SHANK2: variants seen among roughly 807,000 people sequenced by gnomAD.
SHANK2 encodes SH3 and multiple ankyrin repeat domains 2.
Under a neutral mutation model 133.7 loss-of-function variants are expected in SHANK2, and 43 were observed. That is an observed-to-expected ratio of 0.32 (90% CI 0.25 to 0.41). The LOEUF (loss-of-function observed/expected upper bound fraction) is 0.41, where lower values mean the gene tolerates loss of function less well. Ranked by LOEUF, SHANK2 falls within the 10% of genes least tolerant of loss-of-function variation. The pLI, the probability that SHANK2 is intolerant of heterozygous loss-of-function variation, is 1.00. For missense variants in SHANK2, 1,994 were observed against 2,235.8 expected, an observed-to-expected ratio of 0.89 and a Z score of 2.18; for synonymous variants, 1,017 against 952.8, an observed-to-expected ratio of 1.07 and a Z score of -1.24.
chr11:70,850,327 C>T (rs192674156), intron 11 of SHANK2, among the ~76,000 whole-genome samples: 269 of 152,346 alleles, frequency 1.8e-3, no homozygotes, highest in Admixed American at 4.4e-3. Context: ...GCTTCCACCC[C>T]AGGTGTTATA....
rs2059058282 is a variant in SHANK2 at position 70,501,857 on chromosome 11, G to A, written c.2287+66C>T. The A allele has an allele frequency of 6.6e-6, 10 of 1,519,768 alleles. No homozygotes were observed. In the Admixed American group the frequency reaches 9.8e-5, roughly 15 times the overall value. 94.1% of individuals were successfully genotyped at this position (1,519,768 alleles called of 1,614,324 possible). On this transcript the variant is annotated intron_variant, in intron 20 of 25. Coordinates refer to ENST00000601538, the MANE Select transcript of SHANK2 (RefSeq NM_012309.5). ...AGGCCTCCGAGGCCTGGGCTGAGGT[G>A]GATGTCAGTGGGGGTGCCCTAGACA...
intron 14 of SHANK2, among the ~76,000 whole-genome samples, chr11:70,723,956 T>C (rs1324766590): frequency 6.6e-6 from 1 of 151,624 alleles, no homozygotes; most frequent in African/African-American, 2.4e-5. Flanking sequence ...GCTCAAGACC[T>C]TGCCAAATCC....
At chr11:71,084,471 A>C (rs967036008) in intron 8 of SHANK2, among the ~76,000 whole-genome samples, 18 of 152,338 alleles carry the variant, frequency 1.2e-4, no homozygotes, top group Admixed American at 2.0e-4. Context: ...CACCTGCAGC[A>C]TCTGTGAGCA....
chr11:71,203,216 G>A (rs1376425481), intron 2 of SHANK2, among the ~76,000 whole-genome samples: 2 of 152,172 alleles, frequency 1.3e-5, no homozygotes, highest in African/African-American at 2.4e-5. Context: ...GCTGGAGATG[G>A]TGAGGAGGCA....
chr11:70,753,988 T>G (rs1412250135), intron 14 of SHANK2, among the ~76,000 whole-genome samples: 2 of 152,186 alleles, frequency 1.3e-5, no homozygotes, highest in Non-Finnish European at 2.9e-5. Flanking sequence ...ATTTTTGTAT[T>G]ATTAGTAGAG....
intron 6 of SHANK2, among the ~76,000 whole-genome samples, chr11:71,096,371 A>T (rs1261121045): frequency 6.6e-6 from 1 of 152,220 alleles, no homozygotes; most frequent in Non-Finnish European, 1.5e-5. Context: ...CCAGAGTTCC[A>T]CATGTGCACA....
intron 14 of SHANK2, among the ~76,000 whole-genome samples, chr11:70,786,244 C>T (rs1214586134): frequency 1.3e-5 from 2 of 152,192 alleles, no homozygotes; most frequent in African/African-American, 4.8e-5. Flanking sequence ...CTGTCTCTGG[C>T]CTGGCCTCCT....
chr11:71,117,774 C>T (rs1251786049), intron 4 of SHANK2, among the ~76,000 whole-genome samples: 10 of 152,198 alleles, frequency 6.6e-5, no homozygotes, highest in African/African-American at 2.2e-4. Context: ...GCCTAGTGCA[C>T]CTCTTCATCA....
intron 13 of SHANK2, among the ~76,000 whole-genome samples, chr11:70,805,516 G>A (rs1948139193): frequency 6.6e-6 from 1 of 152,220 alleles, no homozygotes; most frequent in African/African-American, 2.4e-5. Context: ...TAACATCCTT[G>A]TCACCCGACA....
intron 11 of SHANK2, among the ~76,000 whole-genome samples, chr11:70,862,634 CTGGCT>C (rs1949279400): frequency 6.6e-6 from 1 of 150,458 alleles, no homozygotes; most frequent in South Asian, 2.1e-4. Context: ...CTGGACTGGA[CTGGCT>C]GATGGACTGG....
At chr11:70,638,543 G>C (rs1555005181) in intron 17 of SHANK2, among the ~76,000 whole-genome samples, 1 of 152,198 alleles carries the variant, frequency 6.6e-6, no homozygotes, top group African/African-American at 2.4e-5. Flanking sequence ...GAGGACCAAG[G>C]AGCAGCTCTT....
At chr11:70,688,175 CCA>C (rs1555020124) in intron 15 of SHANK2, among the ~76,000 whole-genome samples, 1 of 152,174 alleles carries the variant, frequency 6.6e-6, no homozygotes, top group Non-Finnish European at 1.5e-5. Flanking sequence ...GCGCCCAGCC[CCA>C]ATGCAGAACA....
chr11:70,575,480 C>T (rs938709904), intron 17 of SHANK2, among the ~76,000 whole-genome samples: 5 of 149,012 alleles, frequency 3.4e-5, no homozygotes, highest in Non-Finnish European at 5.9e-5. Context: ...GATTGTGCCA[C>T]TGCACTCCAG....
chr11:71,159,800 A>G (rs192276469), intron 2 of SHANK2, among the ~76,000 whole-genome samples: 1 of 152,180 alleles, frequency 6.6e-6, no homozygotes, highest in East Asian at 1.9e-4. Context: ...CCTGGCCAAC[A>G]TGGCAAAACC....
At chr11:70,858,557 C>T (rs551846941) in intron 11 of SHANK2, among the ~76,000 whole-genome samples, 17 of 152,374 alleles carry the variant, frequency 1.1e-4, no homozygotes, top group African/African-American at 3.4e-4. Flanking sequence ...GACATGGCAG[C>T]AGCCTTCCAG....
At chr11:71,119,575 T>A (rs1460964093) in intron 3 of SHANK2, among the ~76,000 whole-genome samples, 2 of 46,020 alleles carry the variant, frequency 4.3e-5, no homozygotes, top group Admixed American at 2.5e-4. Flanking sequence ...CGAGACTCCA[T>A]CTCAAAAAAA....
At chr11:70,896,056 C>A (rs925495387) in intron 11 of SHANK2, among the ~76,000 whole-genome samples, 1 of 152,110 alleles carries the variant, frequency 6.6e-6, no homozygotes, top group African/African-American at 2.4e-5. Context: ...GTACATTCTA[C>A]CAGTTTGGAC....
At chr11:70,598,333 G>A (rs2060429210) in intron 17 of SHANK2, among the ~76,000 whole-genome samples, 1 of 152,174 alleles carries the variant, frequency 6.6e-6, no homozygotes, top group Admixed American at 6.5e-5. Context: ...TTGACTATCT[G>A]GGAAGGAGCT....
chr11:71,132,436 G>A (rs1952334154), intron 3 of SHANK2, among the ~76,000 whole-genome samples: 1 of 152,184 alleles, frequency 6.6e-6, no homozygotes, highest in African/African-American at 2.4e-5. Flanking sequence ...GGGATTTACA[G>A]AGCTTTGCTA....
Sources: gnomAD v4.1 joint callset for allele counts (sites outside exome capture counted in the v4.1 genomes callset) on GRCh38, gnomAD v4.1.1 for gene constraint, MANE v1.5 for transcripts, NCBI Gene and HGNC (gene_info 2026-07-23, HGNC 2026-07-21) for gene names.